Variants in NAV2 observed in about 807,000 individuals in gnomAD.
The protein encoded by NAV2 is helicase, APC down-regulated 1.
Under a neutral mutation model 223.2 loss-of-function variants are expected in NAV2, and 54 were observed. The ratio of observed to expected loss-of-function variants is 0.24; its 90% CI spans 0.19 to 0.30. NAV2 has a LOEUF of 0.30. NAV2 is among the 10% of genes least tolerant of loss of function. The pLI is 1.00. For synonymous variants in NAV2, 1,279 were observed against 1,239.3 expected (o/e 1.03, Z -0.67); for missense variants, 2,806 against 3,147.5 (o/e 0.89, Z 2.60).
intron 1 of NAV2, chr11:19,777,700 A>G (rs950537634): frequency 1.3e-5 from 5 of 398,294 alleles, no homozygotes; most frequent in African/African-American, 1.0e-4. Context: ...TGTTTAAACC[A>G]GGAAAGTCGA....
intron 1 of NAV2, among the ~76,000 whole-genome samples, chr11:19,701,205 G>A (rs1009148043): frequency 3.6e-4 from 55 of 152,260 alleles, no homozygotes; most frequent in African/African-American, 1.3e-3. Context: ...TAAGGGGTTG[G>A]GGGTTGGTGG....
intron 1 of NAV2, among the ~76,000 whole-genome samples, chr11:19,538,948 G>T (rs1165445376): frequency 1.3e-5 from 2 of 151,720 alleles, no homozygotes; most frequent in Non-Finnish European, 2.9e-5. Flanking sequence ...CATGGACTTT[G>T]TCTTGTTCAA....
At chr11:19,447,102 G>A (rs1050710873) in intron 1 of NAV2, among the ~76,000 whole-genome samples, 8 of 152,218 alleles carry the variant, frequency 5.3e-5, no homozygotes. Flanking sequence ...TTGGGATACT[G>A]AGAGCCACTG....
chr11:19,692,202 A>G (rs1356812553), intron 1 of NAV2, among the ~76,000 whole-genome samples: 2 of 152,234 alleles, frequency 1.3e-5, no homozygotes, highest in Admixed American at 1.3e-4. Context: ...TGAGGGCCTC[A>G]CCACCGGGGT....
chr11:19,391,787 C>T (rs183181191), intron 1 of NAV2, among the ~76,000 whole-genome samples: 54 of 152,182 alleles, frequency 3.5e-4, no homozygotes, highest in African/African-American at 1.3e-3. Context: ...TTGTTCTTCT[C>T]CAGTGTGTCT....
At chr11:19,814,934 T>C (rs1033253761) in intron 1 of NAV2, among the ~76,000 whole-genome samples, 1 of 152,150 alleles carries the variant, frequency 6.6e-6, no homozygotes. Context: ...CATTATTAGG[T>C]GGCTTGGCAG....
At chr11:19,563,862 G>T (rs548230967) in intron 1 of NAV2, among the ~76,000 whole-genome samples, 2 of 152,336 alleles carry the variant, frequency 1.3e-5, no homozygotes, top group Admixed American at 1.3e-4. Flanking sequence ...GTTATTGAGA[G>T]AGTTAAGGGA....
intron 1 of NAV2, among the ~76,000 whole-genome samples, chr11:19,672,744 C>T (rs748964083): frequency 4.6e-5 from 7 of 152,108 alleles, no homozygotes; most frequent in Non-Finnish European, 8.8e-5. Context: ...AGCTCAGGCT[C>T]AGGATAGGCC....
At chr11:19,442,034 C>T (rs1174996506) in intron 1 of NAV2, among the ~76,000 whole-genome samples, 1 of 152,266 alleles carries the variant, frequency 6.6e-6, no homozygotes, top group African/African-American at 2.4e-5. Flanking sequence ...CTCCTAATGG[C>T]TTGGCAGGCG....
chr11:20,030,084 A>C (rs1485406316), intron 11 of NAV2, among the ~76,000 whole-genome samples: 1 of 152,242 alleles, frequency 6.6e-6, no homozygotes, highest in South Asian at 2.1e-4. Flanking sequence ...TATTCCTGTT[A>C]GTTTCCAGGA....
chr11:19,935,868 T>TTTTTTTGTTTGTTTG (rs1565594759), intron 7 of NAV2, among the ~76,000 whole-genome samples: 5 of 125,274 alleles, frequency 4.0e-5, no homozygotes, highest in African/African-American at 1.5e-4. Flanking sequence ...TTTTTTTTTT[T>TTTTTTTGTTTGTTTG]TTTTTTTGAG....
At chr11:19,665,084 G>C (rs544360985) in intron 1 of NAV2, among the ~76,000 whole-genome samples, 1 of 152,338 alleles carries the variant, frequency 6.6e-6, no homozygotes, top group Admixed American at 6.5e-5. Flanking sequence ...GTTGGAGAGG[G>C]AGAGGCAGTC....
intron 1 of NAV2, among the ~76,000 whole-genome samples, chr11:19,354,412 C>T (rs1357103468): frequency 6.6e-6 from 1 of 152,224 alleles, no homozygotes; most frequent in Non-Finnish European, 1.5e-5. Context: ...TCAATAGCTG[C>T]ATGTGGCTAG....
chr11:19,409,636 A>T (rs1850055177), intron 1 of NAV2, among the ~76,000 whole-genome samples: 1 of 152,200 alleles, frequency 6.6e-6, no homozygotes, highest in African/African-American at 2.4e-5. Flanking sequence ...TTCCTTTGGC[A>T]AATATCCACA....
intron 10 of NAV2, among the ~76,000 whole-genome samples, chr11:19,982,262 T>TGTTTTGTTC (rs139999758): frequency 6.6e-6 from 1 of 151,394 alleles, no homozygotes; most frequent in East Asian, 1.9e-4. Flanking sequence ...GTTTTTGTTT[T>TGTTTTGTTC]TGTTTTGTTT....
intron 1 of NAV2, among the ~76,000 whole-genome samples, chr11:19,696,852 TAGAA>T (rs1050471005): frequency 2.0e-4 from 31 of 152,326 alleles, no homozygotes; most frequent in Non-Finnish European, 3.1e-4. Context: ...GGCTGCACGG[TAGAA>T]TCACCTAGGG....
At chr11:19,765,735 C>A (rs2055174827) in intron 1 of NAV2, among the ~76,000 whole-genome samples, 1 of 151,754 alleles carries the variant, frequency 6.6e-6, no homozygotes, top group Admixed American at 6.6e-5. Context: ...GGCTTGCACA[C>A]TCCTGTTCCC....
intron 1 of NAV2, among the ~76,000 whole-genome samples, chr11:19,407,570 C>A (rs1849952599): frequency 6.6e-6 from 1 of 152,126 alleles, no homozygotes; most frequent in African/African-American, 2.4e-5. Context: ...ATGGGATTTG[C>A]ATTTTGGAGA....
At chr11:19,631,652 G>A (rs957241153) in intron 1 of NAV2, among the ~76,000 whole-genome samples, 2 of 152,290 alleles carry the variant, frequency 1.3e-5, no homozygotes, top group South Asian at 4.1e-4. Context: ...AGTGTTTTAA[G>A]GAGAGACTTG....
Sources: gnomAD v4.1 joint callset for allele counts (sites outside exome capture counted in the v4.1 genomes callset) on GRCh38, gnomAD v4.1.1 for gene constraint, MANE v1.5 for transcripts, NCBI Gene and HGNC (gene_info 2026-07-23, HGNC 2026-07-21) for gene names.